Variants in SPAG16 observed in about 807,000 individuals in gnomAD.
The protein encoded by SPAG16 is sperm-associated antigen 16 protein.
Under a neutral mutation model 80.4 loss-of-function variants are expected in SPAG16, and 86 were observed. The observed-to-expected ratio is 1.07, with a 90% CI of 0.90 to 1.28. The LOEUF is 1.28. Ranked by LOEUF, SPAG16 falls within the 50% of genes most tolerant of loss-of-function variation. The pLI, the probability that SPAG16 is intolerant of heterozygous loss-of-function variation, is 0.00. For missense variants in SPAG16, 870 were observed against 765.3 expected, an observed-to-expected ratio of 1.14 and a Z score of -1.61; for synonymous variants, 294 against 265.9, an observed-to-expected ratio of 1.11 and a Z score of -1.03.
chr2:214,279,400 G>A (rs1444556672), intron 15 of SPAG16, among the ~76,000 whole-genome samples: 1 of 152,128 alleles, frequency 6.6e-6, no homozygotes, highest in Non-Finnish European at 1.5e-5. Context: ...AGGCAATAAA[G>A]TAGAAGGAAC....
chr2:214,013,958 T>C lies in SPAG16; in HGVS notation c.1408T>C (p.Cys470Arg), dbSNP rs774684507. Residue 470 changes from cysteine to arginine, a missense_variant, in exon 13 of 16, where the codon TGC becomes CGC. Cys to Arg is a radical substitution (Grantham distance 180). Coordinates refer to ENST00000331683, the MANE Select transcript of SPAG16 (RefSeq NM_024532.5). Reference protein sequence around the residue: ...SKIWDVNSERCRCTLYGHTDS... With the variant: ...SKIWDVNSERRRCTLYGHTDS... Reference sequence around the variant, plus strand: ...TAATTTCTCTCTTTATAGTGAAAGATGCAGATGTACTTTGTATGGACATAC... The same window carrying C: ...TAATTTCTCTCTTTATAGTGAAAGACGCAGATGTACTTTGTATGGACATAC... 9 of 1,613,218 alleles carry C rather than the reference T, an allele frequency of 5.6e-6. No homozygotes were observed. In the South Asian group the frequency reaches 8.8e-5, roughly 16 times the overall value.
chr2:213,314,161 A>G (rs1191286129), intron 4 of SPAG16, among the ~76,000 whole-genome samples: 1 of 151,950 alleles, frequency 6.6e-6, no homozygotes, highest in African/African-American at 2.4e-5. Context: ...CCTGAAATTC[A>G]TATATATTCT....
chr2:213,448,629 G>T (rs1321375852), intron 9 of SPAG16, among the ~76,000 whole-genome samples: 1 of 152,166 alleles, frequency 6.6e-6, no homozygotes, highest in Admixed American at 6.5e-5. Flanking sequence ...GGAAGTCAGG[G>T]ACCCAAATGG....
intron 10 of SPAG16, among the ~76,000 whole-genome samples, chr2:213,651,368 G>A (rs1478230590): frequency 6.6e-6 from 1 of 152,150 alleles, no homozygotes; most frequent in Admixed American, 6.5e-5. Flanking sequence ...AGCCCCTGAG[G>A]ACAAACTGGA....
chr2:213,367,639 T>C (rs2066387216), intron 8 of SPAG16, among the ~76,000 whole-genome samples: 1 of 151,894 alleles, frequency 6.6e-6, no homozygotes, highest in Non-Finnish European at 1.5e-5. Context: ...GGGTTGTTTG[T>C]TTTTTTCTTG....
At chr2:213,802,405 C>CTATA (rs1553634414) in intron 10 of SPAG16, among the ~76,000 whole-genome samples, 1 of 90,192 alleles carries the variant, frequency 1.1e-5, no homozygotes, top group Admixed American at 1.1e-4. Flanking sequence ...CTCTATCTAT[C>CTATA]TATCTATCTA....
At chr2:214,274,625 C>A (rs1479975946) in intron 15 of SPAG16, among the ~76,000 whole-genome samples, 2 of 152,158 alleles carry the variant, frequency 1.3e-5, no homozygotes, top group Non-Finnish European at 1.5e-5. Context: ...GTTGAACCAG[C>A]CTTGCATCCC....
intron 11 of SPAG16, among the ~76,000 whole-genome samples, chr2:213,869,747 G>T (rs2075877126): frequency 6.7e-6 from 1 of 149,542 alleles, no homozygotes; most frequent in South Asian, 2.2e-4. Flanking sequence ...ACAACTCAAT[G>T]AAAACCACAT....
intron 15 of SPAG16, among the ~76,000 whole-genome samples, chr2:214,279,223 A>G (rs1194428162): frequency 6.6e-6 from 1 of 151,944 alleles, no homozygotes; most frequent in African/African-American, 2.4e-5. Flanking sequence ...CAGCCTCCCA[A>G]GTAGCTGGGC....
intron 15 of SPAG16, among the ~76,000 whole-genome samples, chr2:214,287,594 T>C (rs1048465593): frequency 6.6e-6 from 1 of 152,264 alleles, no homozygotes; most frequent in African/African-American, 2.4e-5. Flanking sequence ...AGTATTATTT[T>C]TTTGAGTTTC....
At chr2:213,411,478 T>C (rs1362260684) in intron 9 of SPAG16, among the ~76,000 whole-genome samples, 1 of 152,076 alleles carries the variant, frequency 6.6e-6, no homozygotes, top group East Asian at 1.9e-4. Flanking sequence ...CTTAGGAAAA[T>C]AGAATAGCCT....
chr2:214,258,753 T>C (rs1269736632), intron 15 of SPAG16, among the ~76,000 whole-genome samples: 2 of 151,922 alleles, frequency 1.3e-5, no homozygotes, highest in South Asian at 2.1e-4. Flanking sequence ...GGATTATTTA[T>C]ATTAGTATAT....
intron 9 of SPAG16, among the ~76,000 whole-genome samples, chr2:213,473,774 C>T (rs2073219202): frequency 6.6e-6 from 1 of 152,216 alleles, no homozygotes; most frequent in Admixed American, 6.5e-5. Flanking sequence ...ATTCCCATGC[C>T]TGTTCTCCAG....
At chr2:214,344,938 ATGAG>A (rs1229228183) in intron 15 of SPAG16, among the ~76,000 whole-genome samples, 10 of 152,118 alleles carry the variant, frequency 6.6e-5, no homozygotes, top group African/African-American at 2.2e-4. Flanking sequence ...GTTCAAATGA[ATGAG>A]TATTTTTTTT....
intron 10 of SPAG16, among the ~76,000 whole-genome samples, chr2:213,825,751 A>G (rs1213829022): frequency 8.0e-6 from 1 of 125,766 alleles, no homozygotes; most frequent in African/African-American, 3.2e-5. Flanking sequence ...TTTAGGTATC[A>G]TGGTTAACAG....
intron 10 of SPAG16, among the ~76,000 whole-genome samples, chr2:213,515,288 A>G (rs188173126): frequency 2.7e-4 from 41 of 152,234 alleles, no homozygotes; most frequent in Admixed American, 7.2e-4. Flanking sequence ...AAAGTCACTC[A>G]ATTCTTTCAA....
intron 10 of SPAG16, among the ~76,000 whole-genome samples, chr2:213,602,088 C>G (rs1405607763): frequency 2.0e-5 from 3 of 152,218 alleles, no homozygotes; most frequent in Non-Finnish European, 4.4e-5. Context: ...CAGTAATGCT[C>G]ACCCTTGCCT....
chr2:213,743,271 C>A (rs991446153), intron 10 of SPAG16, among the ~76,000 whole-genome samples: 3 of 152,162 alleles, frequency 2.0e-5, no homozygotes, highest in Non-Finnish European at 2.9e-5. Context: ...AATGTATGTT[C>A]TGAATACACT....
intron 9 of SPAG16, among the ~76,000 whole-genome samples, chr2:213,477,853 G>A (rs1489127097): frequency 6.6e-6 from 1 of 152,002 alleles, no homozygotes; most frequent in East Asian, 1.9e-4. Context: ...ATTTGGGAGG[G>A]GCCAGGGGCA....
Sources: gnomAD v4.1 joint callset for allele counts (sites outside exome capture counted in the v4.1 genomes callset) on GRCh38, gnomAD v4.1.1 for gene constraint, MANE v1.5 for transcripts, NCBI Gene and HGNC (gene_info 2026-07-23, HGNC 2026-07-21) for gene names.